Variants in BICRA observed in about 807,000 individuals in gnomAD.
BICRA encodes the protein BRD4 interacting chromatin remodeling complex associated protein.
Under a neutral mutation model 96.9 loss-of-function variants are expected in BICRA, and 31 were observed. The observed-to-expected ratio is 0.32, with a 90% confidence interval of 0.24 to 0.43. The LOEUF is 0.43. Ranked by LOEUF, BICRA falls within the 20% of genes least tolerant of loss-of-function variation. The pLI is 1.00. For synonymous variants in BICRA, 1,350 were observed against 1,071.8 expected (o/e 1.26, Z -5.07); for missense variants, 2,283 against 2,190.3 (o/e 1.04, Z -0.84).
At chr19:47,664,709 C>T (rs561864973) in intron 1 of BICRA, among the ~76,000 whole-genome samples, 12 of 152,284 alleles carry the variant, frequency 7.9e-5, no homozygotes, top group Admixed American at 3.9e-4. Flanking sequence ...GGGCCCGGGT[C>T]GCAGTGGTCC....
chr19:47,633,206 AG>A (rs1258280179), intron 1 of BICRA, among the ~76,000 whole-genome samples: 6 of 150,734 alleles, frequency 4.0e-5, no homozygotes, highest in Admixed American at 1.3e-4. Context: ...TCAGCCTCCA[AG>A]TAGCTGGGAT....
At chr19:47,630,230 G>A (rs1972202615) in intron 1 of BICRA, among the ~76,000 whole-genome samples, 1 of 143,976 alleles carries the variant, frequency 6.9e-6, no homozygotes, top group Admixed American at 7.4e-5. Flanking sequence ...GCGCAATCTC[G>A]GCTCACTGCA....
chr19:47,614,121 T>TGAGA (rs1250310448), intron 1 of BICRA, among the ~76,000 whole-genome samples: 1 of 152,120 alleles, frequency 6.6e-6, no homozygotes, highest in Admixed American at 6.6e-5. Context: ...CTGGGTGGTC[T>TGAGA]GAGACATCAT....
Position 47,680,241 on chromosome 19 carries a change from G to T in BICRA, c.1071G>T (p.Gly357=), listed in dbSNP as rs775936074. The change falls in exon 6 of 15, where the codon GGG becomes GGT. Residue 357 remains glycine (G), a synonymous_variant. Coordinates refer to ENST00000594866, the MANE Select transcript of BICRA (RefSeq NM_001394372.1). ...CGCCCATCCAGCCCAAGCCCGCGGGGGTGCTGCCGCCCAAGCTCTACCAGC... is the reference window on the plus strand; with the variant it reads ...CGCCCATCCAGCCCAAGCCCGCGGGTGTGCTGCCGCCCAAGCTCTACCAGC... ...TPTPIQPKPA[G]VLPPKLYQLT... 7.2e-5 allele frequency: 113 copies of T among 1,561,176 alleles called. No individual in the cohort carries two copies. The highest frequency in any genetic ancestry group is 9.4e-5 in the Non-Finnish European group (109 of 1,162,526).
chr19:47,638,625 A>G (rs1177536505), intron 1 of BICRA, among the ~76,000 whole-genome samples: 3 of 151,624 alleles, frequency 2.0e-5, no homozygotes, highest in African/African-American at 7.3e-5. Flanking sequence ...ACACACACAC[A>G]CACACACACA....
chr19:47,624,060 A>G (rs773144717), intron 1 of BICRA, among the ~76,000 whole-genome samples: 1 of 152,042 alleles, frequency 6.6e-6, no homozygotes, highest in Non-Finnish European at 1.5e-5. Context: ...CATGTTGGCC[A>G]GGCTGGTCTT....
Position 47,698,597 on chromosome 19 carries a change from C to A in BICRA, c.3249-37C>A. On this transcript the variant is annotated intron_variant, in intron 11 of 14. Transcript: ENST00000594866. This position sits in a 1 kb window ranked among gnomAD's most constrained non-coding sequence, Gnocchi z 4.8. Reference sequence around the variant, plus strand: ...CTGGCCCTCACCCGTCCCCCCCACCCTCCGCCGTGTGTGGTCTCTCCCCTT... The same window carrying A: ...CTGGCCCTCACCCGTCCCCCCCACCATCCGCCGTGTGTGGTCTCTCCCCTT... 2.0e-6 allele frequency: 2 copies of A among 988,396 alleles called. No homozygotes were observed. Among genetic ancestry groups the A allele is most frequent in the South Asian group, 2.7e-5 (2 of 74,812 alleles). The allele number at this position is 988,396 out of a possible 1,614,324, so 61.2% of individuals were successfully genotyped here.
At chr19:47,677,113 C>T (rs1005119481) in intron 5 of BICRA, among the ~76,000 whole-genome samples, 6 of 152,158 alleles carry the variant, frequency 3.9e-5, no homozygotes, top group African/African-American at 9.7e-5. Flanking sequence ...GAGCAGCACC[C>T]GCCTCATGGG....
intron 1 of BICRA, among the ~76,000 whole-genome samples, chr19:47,610,668 G>T (rs1250364031): frequency 2.0e-5 from 3 of 151,790 alleles, no homozygotes; most frequent in Admixed American, 6.6e-5. Context: ...ATCTAGGGGT[G>T]CCTTTCTCTT....
In BICRA at chr19:47,632,588, G is replaced by C. The variant is rs574973868; in HGVS notation, c.-108+23420G>C. Among the ~76,000 whole-genome samples the C allele has an allele frequency of 2.1e-3, 316 of 152,318 alleles. 1 individual carries two copies. The highest frequency in any genetic ancestry group is 3.5e-3 in the Non-Finnish European group (240 of 68,034). On this transcript the variant is annotated intron_variant, in intron 1 of 14. Coordinates refer to ENST00000594866, the MANE Select transcript of BICRA (RefSeq NM_001394372.1). ...GGTGGAGTGTATTGGACTGGGAACC[G>C]CACGTGTGGGCTCCCATCACTGTGT...
intron 1 of BICRA, among the ~76,000 whole-genome samples, chr19:47,609,681 A>G (rs932306783): frequency 1.6e-4 from 24 of 151,140 alleles, no homozygotes; most frequent in Non-Finnish European, 2.8e-4. Context: ...GCCACCGGGC[A>G]GCGGGCGGTG....
Position 47,638,712 on chromosome 19 carries a change from G to A in BICRA, c.-108+29544G>A, listed in dbSNP as rs142435381. On this transcript the variant is annotated intron_variant, in intron 1 of 14. Coordinates refer to ENST00000594866, the MANE Select transcript of BICRA (RefSeq NM_001394372.1). ...GCTCTGTTGCCCAGGCTGGAGTGCA[G>A]TGGTGCAATCTCGGCTCACTGCAAC... Among the ~76,000 whole-genome samples, 1,064 of 152,226 alleles carry A rather than the reference G, an allele frequency of 7.0e-3. 21 individuals carry two copies. The highest frequency in any genetic ancestry group is 0.024 in the African/African-American group (992 of 41,546).
intron 1 of BICRA, among the ~76,000 whole-genome samples, chr19:47,651,634 C>T (rs1284939304): frequency 1.3e-5 from 2 of 152,098 alleles, no homozygotes; most frequent in African/African-American, 2.4e-5. Flanking sequence ...CAGTAGGGAT[C>T]AGTAGGGAGC....
chr19:47,695,353 A>AC lies in BICRA; in HGVS notation c.3077-9dup. ...CCGCAGGCCCTGTCTCCCCCACCCC[A>AC]CCCACCCCCAGGCCTCCCTCCTCTG... is the stretch of plus-strand genomic sequence containing the variant. On this transcript the variant is annotated splice_polypyrimidine_tract_variant and intron_variant, in intron 9 of 14. Coordinates refer to ENST00000594866, the MANE Select transcript of BICRA (RefSeq NM_001394372.1). 1 of 376,498 alleles carries AC rather than the reference A, an allele frequency of 2.7e-6. No individual in the cohort carries two copies. Among genetic ancestry groups the AC allele is most frequent in the Non-Finnish European group, 4.9e-6 (1 of 202,834 alleles). The allele number at this position is 376,498 out of a possible 1,614,324, so 23.3% of individuals were successfully genotyped here.
rs368733953 is a variant in BICRA at position 47,673,551 on chromosome 19, C to T, written c.-5-19C>T. On this transcript the variant is annotated intron_variant, in intron 2 of 14. Coordinates refer to ENST00000594866, the MANE Select transcript of BICRA (RefSeq NM_001394372.1). Reference sequence around the variant, plus strand: ...TAACCTTGTCTCCCTCGCCCTCTTCCTGACCCCACCCCATCCAGTGGCGAT... The same window carrying T: ...TAACCTTGTCTCCCTCGCCCTCTTCTTGACCCCACCCCATCCAGTGGCGAT... 1.9e-6 allele frequency: 3 copies of T among 1,609,268 alleles called. No individual in the cohort carries two copies. Among genetic ancestry groups the T allele is most frequent in the Non-Finnish European group, 2.6e-6 (3 of 1,175,706 alleles).
At chr19:47,642,876 A>C (rs1356199342) in intron 1 of BICRA, among the ~76,000 whole-genome samples, 1 of 152,194 alleles carries the variant, frequency 6.6e-6, no homozygotes, top group African/African-American at 2.4e-5. Context: ...GTAATATCTC[A>C]TTATGGTTGT....
At chr19:47,688,861 C>G (rs1301168650) in intron 7 of BICRA, among the ~76,000 whole-genome samples, 5 of 152,092 alleles carry the variant, frequency 3.3e-5, no homozygotes, top group South Asian at 2.1e-4. Flanking sequence ...CTCTCTCTCT[C>G]TCTCGCCCGG....
Position 47,696,481 on chromosome 19 carries a change from C to G in BICRA, c.3217C>G (p.Pro1073Ala), listed in dbSNP as rs1421430535. 5 of 1,604,252 alleles carry G rather than the reference C, an allele frequency of 3.1e-6. No homozygotes were observed. Among genetic ancestry groups the G allele is most frequent in the Non-Finnish European group, 4.3e-6 (5 of 1,175,504 alleles). Residue 1073 changes from proline to alanine, a missense_variant, in exon 11 of 15, where the codon CCC (proline) becomes GCC (alanine). Coordinates refer to ENST00000594866, the MANE Select transcript of BICRA (RefSeq NM_001394372.1). The stretch of plus-strand genomic sequence containing the variant: ...GAGCAAACTGAGTGGCCTGAAGAAG[C>G]CCCCCACGCTTCAGCCCAGCAAGGA... ...YESKLSGLKK[P>A]PTLQPSKEAC...
intron 2 of BICRA, among the ~76,000 whole-genome samples, chr19:47,672,192 AGATG>A (rs1401972919): frequency 1.7e-5 from 2 of 117,106 alleles, no homozygotes; most frequent in African/African-American, 6.7e-5. Flanking sequence ...ATGGGTAGGT[AGATG>A]GATGGAAGGA....
Sources: gnomAD v4.1 joint callset for allele counts (sites outside exome capture counted in the v4.1 genomes callset) on GRCh38, gnomAD v4.1.1 for gene constraint, Gnocchi (gnomAD v3.1) non-coding constraint, MANE v1.5 for transcripts, NCBI Gene and HGNC (gene_info 2026-07-23, HGNC 2026-07-21) for gene names.